Variants in AUTS2 observed in about 807,000 individuals in gnomAD.
AUTS2 encodes activator of transcription and developmental regulator AUTS2, also known as autism susceptibility gene 2 protein.
A neutral mutation model predicts 112.4 loss-of-function variants in AUTS2; 17 were observed. The ratio of observed to expected loss-of-function variants is 0.15; its 90% confidence interval spans 0.10 to 0.23. AUTS2 has a LOEUF of 0.23. Ranked by LOEUF, AUTS2 falls within the 10% of genes least tolerant of loss-of-function variation. The pLI is 1.00. For synonymous variants in AUTS2, 751 were observed against 702.7 expected, an observed-to-expected ratio of 1.07 and a Z score of -1.09; for missense variants, 1,510 against 1,701.6, an observed-to-expected ratio of 0.89 and a Z score of 1.98.
chr7:69,654,257 A>C (rs1052385467), intron 1 of AUTS2, among the ~76,000 whole-genome samples: 1 of 152,084 alleles, frequency 6.6e-6, no homozygotes, highest in Non-Finnish European at 1.5e-5. Flanking sequence ...TGCAGCCCCC[A>C]GTCTTGCTTG....
chr7:70,743,392 T>G (rs1585610823), intron 6 of AUTS2, among the ~76,000 whole-genome samples: 1 of 148,646 alleles, frequency 6.7e-6, no homozygotes, highest in East Asian at 2.0e-4. Context: ...CCACTTGAAC[T>G]TGGGAGGCAG....
intron 1 of AUTS2, among the ~76,000 whole-genome samples, chr7:69,698,398 C>G (rs1389622016): frequency 6.6e-6 from 1 of 152,094 alleles, no homozygotes; most frequent in Non-Finnish European, 1.5e-5. Context: ...ATAATTTTCC[C>G]TAGATAGTAT....
At chr7:70,738,418 G>GT (rs10683693) in intron 6 of AUTS2, among the ~76,000 whole-genome samples, 67,604 of 142,820 alleles carry the variant, frequency 0.47, 16,068 homozygotes, top group African/African-American at 0.58. Context: ...CAAGTTTTTT[G>GT]TTTTTTTTTT....
At chr7:70,554,860 A>G (rs1801182122) in intron 5 of AUTS2, among the ~76,000 whole-genome samples, 1 of 152,174 alleles carries the variant, frequency 6.6e-6, no homozygotes, top group Non-Finnish European at 1.5e-5. Context: ...CAGCTGTCAC[A>G]TTGGACGGTT....
In AUTS2 at chr7:70,631,454, G is replaced by A. The variant is rs753111079; in HGVS notation, c.691-67115G>A. Among the ~76,000 whole-genome samples, 5 of 152,298 alleles carry A rather than the reference G, an allele frequency of 3.3e-5. No individual in the cohort carries two copies. Among genetic ancestry groups the A allele is most frequent in the South Asian group, 2.1e-4 (1 of 4,822 alleles). ...TTTCAGAGGAAGCGTCCAATGGGCC[G>A]TTCAGGTTAGGGAGTTCCGAGACTC... On this transcript the variant is annotated intron_variant, in intron 5 of 18. Transcript: ENST00000342771. This position sits in a 1 kb window ranked among gnomAD's most constrained non-coding sequence, Gnocchi z 4.5.
At chr7:69,834,200 T>A (rs988607391) in intron 1 of AUTS2, among the ~76,000 whole-genome samples, 1 of 152,184 alleles carries the variant, frequency 6.6e-6, no homozygotes, top group Non-Finnish European at 1.5e-5. Flanking sequence ...GGTCGTTTTC[T>A]GTGGGCTTAG....
rs528431269 is a variant in AUTS2, at chr7:70,339,250, C to T, written c.661-96502C>T. Reference sequence around the variant, plus strand: ...TTGATTAGATTCAAAGGAACAATGTCTTAGTCATCTCAAAGCTATTTTTAA... The same window carrying T: ...TTGATTAGATTCAAAGGAACAATGTTTTAGTCATCTCAAAGCTATTTTTAA... On this transcript the variant is annotated intron_variant, in intron 4 of 18. Coordinates refer to ENST00000342771, the MANE Select transcript of AUTS2 (RefSeq NM_015570.4). 3.0e-4 allele frequency among the ~76,000 whole-genome samples: 46 copies of T among 152,136 alleles called. 2 individuals carry two copies. In the South Asian group the frequency reaches 8.9e-3, roughly 30 times the overall value.
At chr7:70,787,164 T>C in intron 17 of AUTS2, 45 bp from the exon 18 acceptor site, 2 of 1,587,442 alleles carry the variant, frequency 1.3e-6, no homozygotes, top group South Asian at 1.1e-5. Context: ...CAGCAGATTA[T>C]ATAATTTCTC....
chr7:69,641,554 G>T (rs1234208744), intron 1 of AUTS2, among the ~76,000 whole-genome samples: 1 of 152,174 alleles, frequency 6.6e-6, no homozygotes, highest in African/African-American at 2.4e-5. Context: ...TAGACTTGGA[G>T]CAAGTTATTG....
intron 2 of AUTS2, among the ~76,000 whole-genome samples, chr7:70,086,965 T>C (rs1413648403): frequency 6.6e-6 from 1 of 152,004 alleles, no homozygotes; most frequent in African/African-American, 2.4e-5. Context: ...TTCATTTCTT[T>C]TCTTATATTA....
chr7:70,616,025 G>A (rs548459541), intron 5 of AUTS2, among the ~76,000 whole-genome samples: 29 of 152,248 alleles, frequency 1.9e-4, no homozygotes, highest in African/African-American at 4.8e-4. Context: ...GATTACAGGC[G>A]TGAGCCACCA....
At chr7:69,812,389 T>C (rs6967788) in intron 1 of AUTS2, among the ~76,000 whole-genome samples, 15,532 of 152,204 alleles carry the variant, frequency 0.1, 1,279 homozygotes, top group African/African-American at 0.23. Flanking sequence ...ATACAAGGGT[T>C]CTTCCCAGCT....
At chr7:69,977,725 T>C (rs1003179062) in intron 2 of AUTS2, among the ~76,000 whole-genome samples, 1 of 152,164 alleles carries the variant, frequency 6.6e-6, no homozygotes, top group Non-Finnish European at 1.5e-5. Flanking sequence ...ACAACAAACT[T>C]TTCTAGGGGC....
At chr7:69,840,762 A>G (rs1275694371) in intron 1 of AUTS2, among the ~76,000 whole-genome samples, 1 of 152,210 alleles carries the variant, frequency 6.6e-6, no homozygotes, top group Admixed American at 6.5e-5. Context: ...TGTAAATTAC[A>G]TGAAACAAAC....
intron 5 of AUTS2, among the ~76,000 whole-genome samples, chr7:70,527,115 G>T (rs1799874408): frequency 6.6e-6 from 1 of 152,200 alleles, no homozygotes; most frequent in African/African-American, 2.4e-5. Flanking sequence ...CATCTCCGTT[G>T]TTCTGGTCTC....
At chr7:70,398,798 A>C (rs1794197345) in intron 4 of AUTS2, among the ~76,000 whole-genome samples, 2 of 152,126 alleles carry the variant, frequency 1.3e-5, no homozygotes, top group Admixed American at 1.3e-4. Flanking sequence ...TTAGGGCAAA[A>C]GCATTCAGTT....
At chr7:69,843,750 A>C (rs574908029) in intron 1 of AUTS2, among the ~76,000 whole-genome samples, 1 of 152,238 alleles carries the variant, frequency 6.6e-6, no homozygotes, top group Admixed American at 6.5e-5. Context: ...CTCAAATGGT[A>C]ATCAACTAGT....
chr7:70,395,769 TGGG>T lies in AUTS2; in HGVS notation c.661-39982_661-39980del, dbSNP rs538483533. On this transcript the variant is annotated intron_variant, in intron 4 of 18. Coordinates refer to ENST00000342771, the MANE Select transcript of AUTS2 (RefSeq NM_015570.4). Reference sequence around the variant, plus strand: ...AGGAGCCTACGAGAGTCAGAAGAGTTGGGAATGTGTTCCCAACTCTTTAACTAG... The same window carrying T: ...AGGAGCCTACGAGAGTCAGAAGAGTTAATGTGTTCCCAACTCTTTAACTAG... 1.4e-4 allele frequency among the ~76,000 whole-genome samples: 22 copies of T among 152,258 alleles called. No homozygotes were observed. The South Asian group carries it at 4.6e-3, about 32-fold the overall frequency.
chr7:69,954,390 C>G (rs558859216), intron 2 of AUTS2, among the ~76,000 whole-genome samples: 1 of 152,074 alleles, frequency 6.6e-6, no homozygotes, highest in Non-Finnish European at 1.5e-5. Context: ...CAAGCAGTCC[C>G]GCCATCTCAG....
Sources: allele counts gnomAD v4.1 joint callset (sites outside exome capture counted in the v4.1 genomes callset), GRCh38; gene constraint gnomAD v4.1.1; non-coding constraint Gnocchi (gnomAD v3.1); transcripts MANE v1.5; gene names NCBI Gene and HGNC (gene_info 2026-07-23, HGNC 2026-07-21).